PCK1: variants seen among roughly 807,000 people sequenced by gnomAD.
The protein encoded by PCK1 is phosphoenolpyruvate carboxykinase 1, also known as phosphoenolpyruvate carboxykinase, cytosolic [GTP].
Under a neutral mutation model 50.3 loss-of-function variants are expected in PCK1, and 44 were observed. The observed-to-expected ratio is 0.87, with a 90% confidence interval of 0.69 to 1.12. PCK1 has a LOEUF of 1.12. Ranked by LOEUF, PCK1 falls within the 50% of genes most tolerant of loss-of-function variation. PCK1 has a pLI of 0.00. For missense variants in PCK1, 790 were observed against 815.0 expected (o/e 0.97, Z 0.37); for synonymous variants, 332 against 314.3 (o/e 1.06, Z -0.59).
Position 57,562,190 on chromosome 20 carries a change from G to C in PCK1, c.344G>C (p.Arg115Pro). The change falls in exon 3 of 10, where the codon CGC becomes CCC. Residue 115 changes from arginine (R) to proline (P), a missense_variant. Coordinates refer to ENST00000319441, the MANE Select transcript of PCK1 (RefSeq NM_002591.4). ...IPKTGLSQLG[R>P]WMSEEDFEKA... ...AAAACAGGCCTCAGCCAGCTCGGTC[G>C]CTGGATGTCAGAGGAGGATTTTGAG... 6.2e-7 allele frequency: 1 copy of C among 1,614,204 alleles called. No individual in the cohort carries two copies. Among genetic ancestry groups the C allele is most frequent in the Non-Finnish European group, 8.5e-7 (1 of 1,180,020 alleles).
Position 57,564,123 on chromosome 20 carries a change from C to G in PCK1, c.962-46C>G, listed in dbSNP as rs895992985. ...GCAATATATAAGAGTATATGTTCTG[C>G]TTTGCCTGGCACTCACTACTGCTTC... is the stretch of plus-strand genomic sequence containing the variant. On this transcript the variant is annotated intron_variant, in intron 6 of 9. Coordinates refer to ENST00000319441, the MANE Select transcript of PCK1 (RefSeq NM_002591.4). 2.4e-6 allele frequency: 3 copies of G among 1,267,652 alleles called. No homozygotes were observed. The South Asian group carries it at 3.7e-5, about 16-fold the overall frequency. The allele number at this position is 1,267,652 out of a possible 1,614,324, so 78.5% of individuals were successfully genotyped here.
rs199564014 is a variant in PCK1, at chr20:57,562,787, G to A, written c.498G>A (p.Val166=). ...TCGAGCTGACGGATTCACCCTACGTGGTGGCCAGCATGCGGATCATGACGC... is the reference window on the plus strand; with the variant it reads ...TCGAGCTGACGGATTCACCCTACGTAGTGGCCAGCATGCGGATCATGACGC... The part of the protein sequence containing the change: ...IGIELTDSPY[V]VASMRIMTRM... Residue 166 remains valine, a synonymous_variant, in exon 4 of 10, where the codon GTG becomes GTA. Coordinates refer to ENST00000319441, the MANE Select transcript of PCK1 (RefSeq NM_002591.4). 6.2e-7 allele frequency: 1 copy of A among 1,614,030 alleles called. No individual in the cohort carries two copies. The highest frequency in any genetic ancestry group is 8.5e-7 in the Non-Finnish European group (1 of 1,179,874).
In PCK1 at chr20:57,567,212, G is replaced by A. The variant is rs62206211; in HGVS notation, c.*1408G>A. On this transcript the variant is annotated 3_prime_UTR_variant, in exon 10 of 10. Transcript: ENST00000319441. ...GGCTTCACCCCTACCACACCCCAGCGGGCAGGCTTGTTCTTATGTCACACT... is the reference window on the plus strand; with the variant it reads ...GGCTTCACCCCTACCACACCCCAGCAGGCAGGCTTGTTCTTATGTCACACT... The A allele has an allele frequency of 0.089, 13,514 of 152,214 alleles. 959 individuals carry two copies. Among genetic ancestry groups the A allele is most frequent in the East Asian group, 0.26 (1,366 of 5,164 alleles). 9.4% of individuals were successfully genotyped at this position (152,214 alleles called of 1,614,324 possible).
chr20:57,564,859 C>T (rs142752827), intron 8 of PCK1, 181 bp from the exon 9 acceptor site: 14 of 637,682 alleles, frequency 2.2e-5, no homozygotes, highest in African/African-American at 2.2e-4. Context: ...TACTTTGTGG[C>T]CTCAGTCATG....
Position 57,565,436 on chromosome 20 carries a change from GCCCAGCA to G in PCK1, c.1509_1515del (p.His503GlnfsTer51). On this transcript the variant is annotated frameshift_variant, in exon 10 of 10. Transcript: ENST00000319441. LOFTEE classifies it low-confidence loss of function (END_TRUNC). ...ATACCTGGCCCACTGGCTTAGCATG[GCCCAGCA>G]CCCAGCAGCCAAACTGCCCAAGATC... 6.2e-7 allele frequency: 1 copy of G among 1,614,134 alleles called. No individual in the cohort carries two copies. Among genetic ancestry groups the G allele is most frequent in the Non-Finnish European group, 8.5e-7 (1 of 1,180,010 alleles).
Position 57,565,341 on chromosome 20 carries a change from G to A in PCK1, c.1415-9G>A. On this transcript the variant is annotated splice_polypyrimidine_tract_variant and intron_variant, in intron 9 of 9. Coordinates refer to ENST00000319441, the MANE Select transcript of PCK1 (RefSeq NM_002591.4). ...TCATTTACTAATGAACTCCCTCTCT[G>A]TTTAACAGGCAAAATCATCATGCAT... 1.9e-6 allele frequency: 3 copies of A among 1,611,382 alleles called. No homozygotes were observed. The South Asian group carries it at 3.3e-5, about 18-fold the overall frequency.
Position 57,565,858 on chromosome 20 carries a change from G to A in PCK1, c.*54G>A, listed in dbSNP as rs1372151343. 39 of 1,357,758 alleles carry A rather than the reference G, an allele frequency of 2.9e-5. No individual in the cohort carries two copies. The highest frequency in any genetic ancestry group is 1.4e-5 in the Non-Finnish European group (14 of 992,644). 84.1% of individuals were successfully genotyped at this position (1,357,758 alleles called of 1,614,324 possible). A position where few individuals can be genotyped will look rare whatever the true frequency, so the allele number is the denominator to read the frequency against. ...TCATTCCCTTTCCCATCCATAAGGT[G>A]CAGTAGGAGCAAGAGAGGGCAAGTG... On this transcript the variant is annotated 3_prime_UTR_variant, in exon 10 of 10. Transcript: ENST00000319441.
rs202045983 is a variant in PCK1, at chr20:57,561,433, G to A, written c.22G>A (p.Gly8Ser). MPPQLQN[G>S]LNLSAKVVQG... ...AGAAATGCCTCCTCAGCTGCAAAAC[G>A]GCCTGAACCTCTCGGCCAAAGTTGT... The change falls in exon 2 of 10, where the codon GGC becomes AGC. Residue 8 changes from glycine to serine, a missense_variant. Coordinates refer to ENST00000319441, the MANE Select transcript of PCK1 (RefSeq NM_002591.4). The A allele has an allele frequency of 9.9e-6, 16 of 1,613,136 alleles. No homozygotes were observed. The highest frequency in any genetic ancestry group is 8.9e-5 in the East Asian group (4 of 44,862).
rs749787404 is a variant in PCK1, at chr20:57,561,503, T to G, written c.92T>G (p.Leu31Arg). The G allele has an allele frequency of 3.7e-6, 6 of 1,613,920 alleles. No individual in the cohort carries two copies. Among genetic ancestry groups the G allele is most frequent in the Non-Finnish European group, 8.5e-7 (1 of 1,179,888 alleles). ...CTACCCCAGGCAGTGAGGGAGTTTCTCGAGAATAACGCTGAGCTGTGTCAG... is the reference window on the plus strand; with the variant it reads ...CTACCCCAGGCAGTGAGGGAGTTTCGCGAGAATAACGCTGAGCTGTGTCAG... The part of the protein sequence containing the change: ...DSLPQAVREF[L>R]ENNAELCQPD... Residue 31 changes from leucine to arginine, a missense_variant, in exon 2 of 10, where the codon CTC becomes CGC. Coordinates refer to ENST00000319441, the MANE Select transcript of PCK1 (RefSeq NM_002591.4).
At position 57,564,188 on chromosome 20, in the gene PCK1, C is replaced by A. The variant is rs2070179632; in HGVS notation, c.981C>A (p.Asn327Lys). 6.2e-7 allele frequency: 1 copy of A among 1,613,594 alleles called. No individual in the cohort carries two copies. The highest frequency in any genetic ancestry group is 8.5e-7 in the Non-Finnish European group (1 of 1,179,580). ...FDAQGHLRAI[N>K]PENGFFGVAP... ...CTCCAGGTCATTTAAGGGCCATCAA[C>A]CCAGAAAATGGCTTTTTCGGTGTCG... The change falls in exon 7 of 10, where the codon AAC becomes AAA. Residue 327 changes from asparagine to lysine, a missense_variant. Asn to Lys is a moderately conservative substitution (Grantham distance 94). Transcript: ENST00000319441.
chr20:57,564,315 TG>T lies in PCK1; in HGVS notation c.1111del (p.Glu371LysfsTer7), dbSNP rs1300805732. 6.2e-7 allele frequency: 1 copy of T among 1,614,134 alleles called. No individual in the cohort carries two copies. The highest frequency in any genetic ancestry group is 2.2e-5 in the East Asian group (1 of 44,868). On this transcript the variant is annotated frameshift_variant, in exon 7 of 10. Transcript: ENST00000319441. LOFTEE classifies it high-confidence loss of function. ...VAETSDGGVY[W>X]EGIDEPLASG... ...CGAGACCAGCGACGGGGGCGTTTAC[TG>T]GGAAGGCATTGATGAGCCGCTAGCT...
In PCK1 at chr20:57,561,670, T is replaced by C. The variant is rs747278178; in HGVS notation, c.224+35T>C. The C allele has an allele frequency of 1.6e-5, 23 of 1,431,660 alleles. No individual in the cohort carries two copies. In the African/African-American group the frequency reaches 3.1e-4, roughly 19 times the overall value. 88.7% of individuals were successfully genotyped at this position (1,431,660 alleles called of 1,614,324 possible). On this transcript the variant is annotated intron_variant, in intron 2 of 9. Transcript: ENST00000319441. Reference sequence around the variant, plus strand: ...GCCCCCGCTGCCTGTCCCAGCACCCTGCAGGCAGGGCTCCCCTGCGTCTCC... The same window carrying C: ...GCCCCCGCTGCCTGTCCCAGCACCCCGCAGGCAGGGCTCCCCTGCGTCTCC...
Position 57,561,402 on chromosome 20 carries a change from C to G in PCK1, c.-10C>G, listed in dbSNP as rs1010513873. On this transcript the variant is annotated 5_prime_UTR_variant, in exon 2 of 10. Transcript: ENST00000319441. ...CTCACATTCGTGCCCCTTAGCAGCA[C>G]TCTGCAGAAATGCCTCCTCAGCTGC... The G allele has an allele frequency of 1.3e-6, 2 of 1,598,936 alleles. No homozygotes were observed. The highest frequency in any genetic ancestry group is 1.3e-5 in the African/African-American group (1 of 74,798).
intron 8 of PCK1, chr20:57,564,828 G>A: frequency 3.2e-6 from 2 of 629,206 alleles, no homozygotes; most frequent in Admixed American, 3.0e-5. Flanking sequence ...ATCTATTGTA[G>A]CTTGATCAAA....
intron 6 of PCK1, 59 bp from the exon 7 acceptor site, chr20:57,564,110 A>T: frequency 9.5e-7 from 1 of 1,057,702 alleles, no homozygotes; most frequent in East Asian, 2.4e-5. Flanking sequence ...AATATATAAG[A>T]GTATATGTTC....
chr20:57,563,601 T>C lies in PCK1; in HGVS notation c.835T>C (p.Tyr279His). 1 of 1,612,224 alleles carries C rather than the reference T, an allele frequency of 6.2e-7. No homozygotes were observed. Among genetic ancestry groups the C allele is most frequent in the South Asian group, 1.1e-5 (1 of 90,988 alleles). ...GITNPEGEKK[Y>H]LAAAFPSACG... Reference sequence around the variant, plus strand: ...AACCAACCCTGAGGGTGAGAAGAAGTACCTGGCGGCCGCATTTCCCAGCGC... The same window carrying C: ...AACCAACCCTGAGGGTGAGAAGAAGCACCTGGCGGCCGCATTTCCCAGCGC... The change falls in exon 6 of 10, where the codon TAC becomes CAC. Residue 279 changes from tyrosine to histidine, a missense_variant. Coordinates refer to ENST00000319441, the MANE Select transcript of PCK1 (RefSeq NM_002591.4).
In PCK1 at chr20:57,561,851, A is replaced by G. The variant is rs1432803087; in HGVS notation, c.224+216A>G. On this transcript the variant is annotated intron_variant, in intron 2 of 9. Transcript: ENST00000319441. Reference sequence around the variant, plus strand: ...AGGTGTGTGCACAAAAGCTCTGCCAACTAGATTCCTGATTAAAAAAAAGGC... The same window carrying G: ...AGGTGTGTGCACAAAAGCTCTGCCAGCTAGATTCCTGATTAAAAAAAAGGC... 5 of 608,540 alleles carry G rather than the reference A, an allele frequency of 8.2e-6. No individual in the cohort carries two copies. The African/African-American group carries it at 9.3e-5, about 11-fold the overall frequency. The allele number at this position is 608,540 out of a possible 1,614,324, so 37.7% of individuals were successfully genotyped here. A position where few individuals can be genotyped will look rare whatever the true frequency, so the allele number is the denominator to read the frequency against.
chr20:57,565,659 T>C lies in PCK1; in HGVS notation c.1724T>C (p.Met575Thr). 3 of 1,614,104 alleles carry C rather than the reference T, an allele frequency of 1.9e-6. No individual in the cohort carries two copies. The highest frequency in any genetic ancestry group is 2.5e-6 in the Non-Finnish European group (3 of 1,180,028). ...NLKGLGHINMMELFSISKEFW... is the reference protein window; with the variant it reads ...NLKGLGHINMTELFSISKEFW... ...AAAGGCCTGGGGCACATCAACATGA[T>C]GGAGCTTTTCAGCATCTCCAAGGAA... The change falls in exon 10 of 10, where the codon ATG (methionine) becomes ACG (threonine). Residue 575 changes from methionine (M) to threonine (T), a missense_variant. Physicochemically the swap from Met to Thr is moderately conservative, Grantham distance 81. Transcript: ENST00000319441.
At chr20:57,564,947 C>G in intron 8 of PCK1, 93 bp from the exon 9 acceptor site, 1 of 904,598 alleles carries the variant, frequency 1.1e-6, no homozygotes, top group African/African-American at 1.7e-5. Context: ...ATTGTCTTGC[C>G]GTGTCTTTCC....
Sources: allele counts gnomAD v4.1 joint callset, GRCh38; gene constraint gnomAD v4.1.1; transcripts MANE v1.5; gene names NCBI Gene and HGNC (gene_info 2026-07-23, HGNC 2026-07-21).